The following ALKAL1 variants were observed in gnomAD, a reference collection of about 807,000 sequenced individuals.
The protein encoded by ALKAL1 is ALK and LTK ligand 1.
Under a neutral mutation model 13.5 loss-of-function variants are expected in ALKAL1, and 23 were observed. The observed-to-expected ratio is 1.70, with a 90% CI of 1.23 to 2.41. ALKAL1 has a LOEUF of 2.41. ALKAL1 is among the 30% of genes most tolerant of loss of function. The pLI is 0.00. For synonymous variants in ALKAL1, 85 were observed against 77.7 expected, an observed-to-expected ratio of 1.09 and a Z score of -0.49; for missense variants, 181 against 178.4, an observed-to-expected ratio of 1.01 and a Z score of -0.08.
At chr8:52,556,071 A>G (rs967516903) in intron 1 of ALKAL1, among the ~76,000 whole-genome samples, 1 of 152,166 alleles carries the variant, frequency 6.6e-6, no homozygotes, top group Non-Finnish European at 1.5e-5. Flanking sequence ...GAAAGCTTAT[A>G]TCTCTCCTTG....
chr8:52,542,374 G>A lies in ALKAL1; in HGVS notation c.244+18C>T, dbSNP rs781163859. On this transcript the variant is annotated intron_variant, in intron 2 of 4. Transcript: ENST00000358543. ...TTTTTATTTAGTTAATGGAATCACT[G>A]ATACATTTTGTACTTACCTGTGAAA... 13 of 1,461,988 alleles carry A rather than the reference G, an allele frequency of 8.9e-6. No homozygotes were observed. The highest frequency in any genetic ancestry group is 1.8e-5 in the Admixed American group (1 of 55,452). The allele number at this position is 1,461,988 out of a possible 1,614,324, so 90.6% of individuals were successfully genotyped here.
At chr8:52,548,907 T>C (rs1055315304) in intron 1 of ALKAL1, among the ~76,000 whole-genome samples, 4 of 152,134 alleles carry the variant, frequency 2.6e-5, no homozygotes, top group Non-Finnish European at 5.9e-5. Context: ...GTTGGCATAC[T>C]ATCTCTTATT....
intron 1 of ALKAL1, among the ~76,000 whole-genome samples, chr8:52,552,154 A>T (rs754056007): frequency 6.6e-6 from 1 of 151,876 alleles, no homozygotes; most frequent in Non-Finnish European, 1.5e-5. Flanking sequence ...GGTAACTTTG[A>T]GCATTTGGAG....
At chr8:52,550,419 G>A (rs182612001) in intron 1 of ALKAL1, among the ~76,000 whole-genome samples, 218 of 140,238 alleles carry the variant, frequency 1.6e-3, no homozygotes, top group Middle Eastern at 0.011. Context: ...TTTGTGTGGC[G>A]CTTTTGAGCT....
chr8:52,549,677 C>A (rs1198507470), intron 1 of ALKAL1, among the ~76,000 whole-genome samples: 1 of 152,084 alleles, frequency 6.6e-6, no homozygotes, highest in East Asian at 1.9e-4. Context: ...CACGGTGTCT[C>A]ATGTCTGTAA....
intron 3 of ALKAL1, among the ~76,000 whole-genome samples, chr8:52,539,188 A>T (rs919388134): frequency 1.3e-5 from 2 of 152,218 alleles, no homozygotes; most frequent in South Asian, 4.1e-4. Context: ...ATCTAGTTAA[A>T]AAGAAACAAA....
intron 4 of ALKAL1, among the ~76,000 whole-genome samples, chr8:52,535,958 A>C (rs921337943): frequency 3.3e-5 from 5 of 150,332 alleles, no homozygotes; most frequent in Non-Finnish European, 7.4e-5. Context: ...TTTTTTTTTG[A>C]GACGGAGTCT....
intron 2 of ALKAL1, among the ~76,000 whole-genome samples, chr8:52,540,266 ACTTT>A (rs140884153): frequency 2.0e-5 from 3 of 152,318 alleles, no homozygotes; most frequent in Non-Finnish European, 2.9e-5. Context: ...TTTGGTTTCT[ACTTT>A]CTGTTTTTAT....
At chr8:52,547,369 G>A (rs577839567) in intron 1 of ALKAL1, among the ~76,000 whole-genome samples, 12 of 152,122 alleles carry the variant, frequency 7.9e-5, no homozygotes, top group South Asian at 4.2e-4. Context: ...GCGTGGTAGC[G>A]TGTGCCAGAA....
chr8:52,557,562 G>A (rs1387013028), intron 1 of ALKAL1, among the ~76,000 whole-genome samples: 1 of 152,178 alleles, frequency 6.6e-6, no homozygotes, highest in African/African-American at 2.4e-5. Flanking sequence ...ATGTAATAAA[G>A]ATCAGACTTT....
intron 1 of ALKAL1, among the ~76,000 whole-genome samples, chr8:52,561,702 C>T (rs967260740): frequency 6.6e-6 from 1 of 152,162 alleles, no homozygotes; most frequent in African/African-American, 2.4e-5. Flanking sequence ...TTATTAAGCA[C>T]GTTGATTTGC....
intron 1 of ALKAL1, among the ~76,000 whole-genome samples, chr8:52,558,790 G>C (rs931048266): frequency 6.6e-6 from 1 of 152,184 alleles, no homozygotes; most frequent in Non-Finnish European, 1.5e-5. Context: ...ACTTCGTAGT[G>C]CTTTGTCATA....
chr8:52,558,428 T>C (rs1354927899), intron 1 of ALKAL1, among the ~76,000 whole-genome samples: 2 of 151,822 alleles, frequency 1.3e-5, no homozygotes, highest in African/African-American at 2.4e-5. Flanking sequence ...ATGAGTAGTT[T>C]ATGGTTTTAC....
chr8:52,561,912 G>C (rs911682406), intron 1 of ALKAL1, among the ~76,000 whole-genome samples: 2 of 152,176 alleles, frequency 1.3e-5, no homozygotes, highest in African/African-American at 4.8e-5. Flanking sequence ...TACATCAATA[G>C]TTGCTAACAG....
intron 1 of ALKAL1, among the ~76,000 whole-genome samples, chr8:52,545,490 C>A (rs987552199): frequency 9.3e-5 from 14 of 151,102 alleles, no homozygotes; most frequent in East Asian, 7.8e-4. Flanking sequence ...GACCTGGAAC[C>A]CCCCCCACAC....
At chr8:52,538,226 A>G (rs1454976483) in intron 4 of ALKAL1, among the ~76,000 whole-genome samples, 1 of 152,168 alleles carries the variant, frequency 6.6e-6, no homozygotes, top group Admixed American at 6.5e-5. Context: ...AATTCATTGT[A>G]TATTTTTTTA....
chr8:52,535,144 T>C (rs551208025), intron 4 of ALKAL1, among the ~76,000 whole-genome samples: 1 of 151,630 alleles, frequency 6.6e-6, no homozygotes, highest in South Asian at 2.1e-4. Context: ...TTTAGGTAAA[T>C]TTACTCATTT....
chr8:52,553,462 G>A (rs539646478), intron 1 of ALKAL1, among the ~76,000 whole-genome samples: 1 of 152,190 alleles, frequency 6.6e-6, no homozygotes, highest in East Asian at 1.9e-4. Context: ...ATCAGACTCT[G>A]TACTCAACTG....
intron 1 of ALKAL1, among the ~76,000 whole-genome samples, chr8:52,554,202 C>T (rs556772020): frequency 6.6e-5 from 10 of 152,230 alleles, no homozygotes; most frequent in African/African-American, 2.4e-4. Flanking sequence ...CCAGCCTGGG[C>T]AACAAGAGTG....
Sources: allele counts gnomAD v4.1 joint callset (sites outside exome capture counted in the v4.1 genomes callset), GRCh38; gene constraint gnomAD v4.1.1; transcripts MANE v1.5; gene names NCBI Gene and HGNC (gene_info 2026-07-23, HGNC 2026-07-21).